DNAJC1: variants seen among roughly 807,000 people sequenced by gnomAD.
DNAJC1 encodes the protein DnaJ heat shock protein family (Hsp40) member C1, also known as dnaJ homolog subfamily C member 1.
In DNAJC1, 58 loss-of-function variants were observed where a neutral mutation model predicts 76.6. The ratio of observed to expected loss-of-function variants is 0.76; its 90% confidence interval spans 0.61 to 0.94. The LOEUF (loss-of-function observed/expected upper bound fraction) is 0.94. Ranked by LOEUF, DNAJC1 falls within the 40% of genes least tolerant of loss-of-function variation. DNAJC1 has a pLI of 0.00. For synonymous variants in DNAJC1, 258 were observed against 267.9 expected (o/e 0.96, Z 0.36); for missense variants, 689 against 677.3 (o/e 1.02, Z -0.19).
chr10:21,764,041 C>T (rs1163673991), intron 10 of DNAJC1, among the ~76,000 whole-genome samples: 4 of 152,098 alleles, frequency 2.6e-5, no homozygotes, highest in South Asian at 2.1e-4. Flanking sequence ...AATTCAAATA[C>T]GGTCTTCTTA....
intron 8 of DNAJC1, among the ~76,000 whole-genome samples, chr10:21,818,615 C>A (rs1188668668): frequency 2.0e-5 from 3 of 152,072 alleles, no homozygotes; most frequent in African/African-American, 7.2e-5. Context: ...GTGATGTCTC[C>A]CCTGGACACC....
intron 9 of DNAJC1, among the ~76,000 whole-genome samples, chr10:21,804,138 A>T (rs1834853312): frequency 6.6e-6 from 1 of 152,066 alleles, no homozygotes; most frequent in South Asian, 2.1e-4. Context: ...CATTTAAAAA[A>T]TTTTCATCTT....
intron 7 of DNAJC1, among the ~76,000 whole-genome samples, chr10:21,894,444 ACCTG>A (rs913611792): frequency 1.3e-5 from 2 of 152,104 alleles, no homozygotes; most frequent in Non-Finnish European, 2.9e-5. Flanking sequence ...GGTGGCAGGC[ACCTG>A]TAATCCCACC....
intron 9 of DNAJC1, among the ~76,000 whole-genome samples, chr10:21,803,088 G>C (rs770371353): frequency 6.6e-6 from 1 of 152,058 alleles, no homozygotes; most frequent in African/African-American, 2.4e-5. Flanking sequence ...TGCTAATTAT[G>C]ACAATTAATA....
At chr10:21,770,642 G>A (rs922857768) in intron 9 of DNAJC1, among the ~76,000 whole-genome samples, 2 of 151,860 alleles carry the variant, frequency 1.3e-5, no homozygotes, top group African/African-American at 2.4e-5. Flanking sequence ...GAGGTGATCC[G>A]CCCGCCTCGG....
At chr10:21,955,652 T>C (rs943379480) in intron 1 of DNAJC1, among the ~76,000 whole-genome samples, 1 of 152,192 alleles carries the variant, frequency 6.6e-6, no homozygotes, top group African/African-American at 2.4e-5. Context: ...ACTTTTCTTG[T>C]AATGAGAACA....
At chr10:21,785,916 T>G (rs1297190972) in intron 9 of DNAJC1, among the ~76,000 whole-genome samples, 1 of 152,198 alleles carries the variant, frequency 6.6e-6, no homozygotes, top group Non-Finnish European at 1.5e-5. Context: ...GATTTTAAAT[T>G]GTTTGTTATA....
rs536473099 is a variant in DNAJC1 at position 21,860,390 on chromosome 10, T to C, written c.978+21892A>G. ...CTCAGATCATAAAGATAATAAATGG[T>C]GATGTTAAAACTAGAATTCAGGATG... is the stretch of plus-strand genomic sequence containing the variant. On this transcript the variant is annotated intron_variant, in intron 8 of 11. Coordinates refer to ENST00000376980, the MANE Select transcript of DNAJC1 (RefSeq NM_022365.4). Among the ~76,000 whole-genome samples, 103 of 152,010 alleles carry C rather than the reference T, an allele frequency of 6.8e-4. 1 individual carries two copies. Among genetic ancestry groups the C allele is most frequent in the African/African-American group, 2.4e-3 (101 of 41,456 alleles).
rs1433627836 is a variant in DNAJC1, at chr10:21,765,842, T to TC, written c.1147+418dup. On this transcript the variant is annotated intron_variant, in intron 10 of 11. Coordinates refer to ENST00000376980, the MANE Select transcript of DNAJC1 (RefSeq NM_022365.4). ...CTGGGCAACAGAGCAAGACTCCGTCTCAAAAAAAAGGAAACATAAATGCCT... is the reference window on the plus strand; with the variant it reads ...CTGGGCAACAGAGCAAGACTCCGTCTCCAAAAAAAAGGAAACATAAATGCCT... Among the ~76,000 whole-genome samples, 3 of 91,658 alleles carry TC rather than the reference T, an allele frequency of 3.3e-5. No individual in the cohort carries two copies. The Admixed American group carries it at 3.3e-4, about 10-fold the overall frequency. 60.1% of individuals were successfully genotyped at this position (91,658 alleles called of 152,430 possible).
intron 10 of DNAJC1, among the ~76,000 whole-genome samples, chr10:21,762,237 G>A (rs1050823887): frequency 1.3e-5 from 2 of 152,132 alleles, no homozygotes; most frequent in African/African-American, 4.8e-5. Flanking sequence ...ACGCCCAGCC[G>A]AAAATGCAAT....
chr10:21,944,269 A>G (rs941115801), intron 1 of DNAJC1, among the ~76,000 whole-genome samples: 5 of 152,264 alleles, frequency 3.3e-5, no homozygotes, highest in Middle Eastern at 3.4e-3. Flanking sequence ...AAACCAGTAA[A>G]TGTAATAGAA....
At chr10:21,887,790 G>T (rs933197285) in intron 7 of DNAJC1, among the ~76,000 whole-genome samples, 1 of 152,072 alleles carries the variant, frequency 6.6e-6, no homozygotes, top group African/African-American at 2.4e-5. Flanking sequence ...AAACCTGGAG[G>T]ACAACACAGG....
intron 10 of DNAJC1, among the ~76,000 whole-genome samples, chr10:21,760,812 G>C (rs999090305): frequency 1.3e-5 from 2 of 152,182 alleles, no homozygotes; most frequent in African/African-American, 4.8e-5. Context: ...TTGTGACTCT[G>C]TAATTTTACT....
chr10:21,937,859 AAAC>A lies in DNAJC1; in HGVS notation c.223-8721_223-8719del, dbSNP rs536020808. Among the ~76,000 whole-genome samples the A allele has an allele frequency of 1.5e-3, 226 of 152,284 alleles. 2 individuals are homozygous for A. The highest frequency in any genetic ancestry group is 4.8e-3 in the African/African-American group (199 of 41,586). On this transcript the variant is annotated intron_variant, in intron 1 of 11. Coordinates refer to ENST00000376980, the MANE Select transcript of DNAJC1 (RefSeq NM_022365.4). Reference sequence around the variant, plus strand: ...TGTGGAAATTAAACAACACATTTTTAAACAACAAGTAATCAAAAAGGAAATTAG... The same window carrying A: ...TGTGGAAATTAAACAACACATTTTTAAACAAGTAATCAAAAAGGAAATTAG...
chr10:21,904,149 G>C (rs1836704781), intron 7 of DNAJC1, among the ~76,000 whole-genome samples: 1 of 152,122 alleles, frequency 6.6e-6, no homozygotes, highest in South Asian at 2.1e-4. Flanking sequence ...GGTATTTTCA[G>C]GTTTCCTAAC....
At chr10:21,974,070 C>A (rs1838025389) in intron 1 of DNAJC1, among the ~76,000 whole-genome samples, 1 of 150,444 alleles carries the variant, frequency 6.6e-6, no homozygotes, top group African/African-American at 2.5e-5. Context: ...CCACTGTACT[C>A]CAGCCTGGGC....
chr10:21,928,093 T>A (rs904136848), intron 3 of DNAJC1, among the ~76,000 whole-genome samples: 1 of 152,158 alleles, frequency 6.6e-6, no homozygotes, highest in Non-Finnish European at 1.5e-5. Flanking sequence ...AACTTGACTA[T>A]CACTACAGTC....
At chr10:21,938,356 AAAG>A (rs748501326) in intron 1 of DNAJC1, among the ~76,000 whole-genome samples, 58 of 152,242 alleles carry the variant, frequency 3.8e-4, no homozygotes, top group East Asian at 1.3e-3. Context: ...TAAAAAAAAA[AAAG>A]AAGAAGAAAA....
chr10:21,889,774 G>T (rs1004631197), intron 7 of DNAJC1, among the ~76,000 whole-genome samples: 1 of 151,986 alleles, frequency 6.6e-6, no homozygotes, highest in South Asian at 2.1e-4. Context: ...CTAGCTAAAG[G>T]GTCAAAAAAG....
Sources: allele counts gnomAD v4.1 joint callset (sites outside exome capture counted in the v4.1 genomes callset), GRCh38; gene constraint gnomAD v4.1.1; transcripts MANE v1.5; gene names NCBI Gene and HGNC (gene_info 2026-07-23, HGNC 2026-07-21).